The following ERC2 variants were observed in gnomAD, a reference collection of about 807,000 sequenced individuals.
ERC2 encodes ERC protein 2.
ERC2 carries 42 observed loss-of-function variants against 114.8 expected under a neutral mutation model. That is an observed-to-expected ratio of 0.37 (90% CI 0.29 to 0.47). The LOEUF (loss-of-function observed/expected upper bound fraction) is 0.47, where lower values mean the gene tolerates loss of function less well. ERC2 is among the 20% of genes least tolerant of loss of function. The probability of loss-of-function intolerance (pLI) is 0.99; values close to 1 mark genes in which losing one functional copy is unlikely to be tolerated. For synonymous variants in ERC2, 454 were observed against 425.5 expected, an observed-to-expected ratio of 1.07 and a Z score of -0.82; for missense variants, 939 against 1,150.7, an observed-to-expected ratio of 0.82 and a Z score of 2.66.
intron 16 of ERC2, among the ~76,000 whole-genome samples, chr3:55,697,622 A>T (rs2063000479): frequency 6.6e-6 from 1 of 152,210 alleles, no homozygotes. Context: ...CCTCATTCCC[A>T]GTAGAACATA....
At chr3:56,322,058 T>A (rs2057150230) in intron 2 of ERC2, among the ~76,000 whole-genome samples, 1 of 152,178 alleles carries the variant, frequency 6.6e-6, no homozygotes, top group Non-Finnish European at 1.5e-5. Flanking sequence ...AATCATATAA[T>A]TCTAGGTACA....
chr3:55,515,471 G>A (rs1216322620), intron 17 of ERC2, among the ~76,000 whole-genome samples: 1 of 151,748 alleles, frequency 6.6e-6, no homozygotes, highest in South Asian at 2.1e-4. Context: ...TGGTTCAAGC[G>A]ATTCTCCTGC....
At chr3:55,525,397 A>G (rs1303998838) in intron 17 of ERC2, among the ~76,000 whole-genome samples, 5 of 152,152 alleles carry the variant, frequency 3.3e-5, no homozygotes, top group Non-Finnish European at 1.5e-5. Context: ...AGACAACTGA[A>G]ATACAATGTG....
chr3:56,374,788 A>G (rs893714102), intron 2 of ERC2, among the ~76,000 whole-genome samples: 3 of 152,230 alleles, frequency 2.0e-5, no homozygotes, highest in African/African-American at 4.8e-5. Flanking sequence ...CCAGCAGGAG[A>G]CATCAACAGA....
chr3:56,118,000 T>C (rs2079345037), intron 6 of ERC2, among the ~76,000 whole-genome samples: 1 of 152,322 alleles, frequency 6.6e-6, no homozygotes, highest in Non-Finnish European at 1.5e-5. Flanking sequence ...TGGGCCAGCC[T>C]GGCCACAGGG....
At chr3:56,453,915 A>G (rs576079657) in intron 1 of ERC2, among the ~76,000 whole-genome samples, 2 of 152,272 alleles carry the variant, frequency 1.3e-5, no homozygotes, top group South Asian at 4.1e-4. Context: ...TGATCAGTAC[A>G]CATGTGAGTG....
At chr3:55,550,463 A>G (rs191571731) in intron 17 of ERC2, among the ~76,000 whole-genome samples, 1 of 152,336 alleles carries the variant, frequency 6.6e-6, no homozygotes, top group East Asian at 1.9e-4. Flanking sequence ...TTGTTGAACC[A>G]ATGCATAAAT....
intron 3 of ERC2, among the ~76,000 whole-genome samples, chr3:56,200,640 C>T (rs2150093851): frequency 6.6e-6 from 1 of 152,290 alleles, no homozygotes; most frequent in South Asian, 2.1e-4. Context: ...CAACTTTCTG[C>T]TGCTTAGGCT....
intron 14 of ERC2, among the ~76,000 whole-genome samples, chr3:55,805,640 C>G (rs2059458091): frequency 6.7e-6 from 1 of 148,802 alleles, no homozygotes; most frequent in South Asian, 2.2e-4. Context: ...GGGGTGCTAC[C>G]AGATGTGCTC....
chr3:55,872,636 G>T (rs1047075275), intron 14 of ERC2, among the ~76,000 whole-genome samples: 4 of 150,386 alleles, frequency 2.7e-5, no homozygotes, highest in Non-Finnish European at 3.0e-5. Context: ...AACTGAAAAG[G>T]TTTATGTCCC....
intron 17 of ERC2, among the ~76,000 whole-genome samples, chr3:55,652,946 ACT>A (rs1395951449): frequency 2.6e-5 from 4 of 151,452 alleles, no homozygotes; most frequent in African/African-American, 9.7e-5. Flanking sequence ...AGTTGAGCGC[ACT>A]GACTGTGTAC....
chr3:55,618,337 T>C (rs971831670), intron 17 of ERC2, among the ~76,000 whole-genome samples: 1 of 152,178 alleles, frequency 6.6e-6, no homozygotes, highest in African/African-American at 2.4e-5. Context: ...TTTCACAATC[T>C]TTATCAATAT....
At chr3:55,664,985 A>T (rs553913651) in intron 17 of ERC2, among the ~76,000 whole-genome samples, 40 of 152,254 alleles carry the variant, frequency 2.6e-4, no homozygotes, top group African/African-American at 9.4e-4. Context: ...AATAATGGGG[A>T]TAATAATAAC....
At chr3:56,154,505 T>A (rs192694273) in intron 4 of ERC2, among the ~76,000 whole-genome samples, 328 of 152,278 alleles carry the variant, frequency 2.2e-3, no homozygotes, top group African/African-American at 7.6e-3. Context: ...ATCCTTCCTG[T>A]CATCCTGTCT....
intron 3 of ERC2, among the ~76,000 whole-genome samples, chr3:56,180,675 T>A (rs1258378942): frequency 6.6e-6 from 1 of 152,168 alleles, no homozygotes; most frequent in East Asian, 1.9e-4. Context: ...AGGAGTTGTA[T>A]AATGGGTACA....
At chr3:55,820,269 C>T (rs2060072410) in intron 14 of ERC2, among the ~76,000 whole-genome samples, 1 of 152,114 alleles carries the variant, frequency 6.6e-6, no homozygotes. Context: ...CTCTCTGAGG[C>T]ATAAGGGAGT....
intron 6 of ERC2, among the ~76,000 whole-genome samples, chr3:56,099,539 C>T (rs2078240925): frequency 6.6e-6 from 1 of 152,108 alleles, no homozygotes; most frequent in African/African-American, 2.4e-5. Flanking sequence ...TTGAAAGCAT[C>T]CTCAGAGGAT....
At chr3:55,585,170 C>A (rs1023144667) in intron 17 of ERC2, among the ~76,000 whole-genome samples, 1 of 152,188 alleles carries the variant, frequency 6.6e-6, no homozygotes, top group Non-Finnish European at 1.5e-5. Flanking sequence ...GATTCTCTGG[C>A]CTGATCTAAG....
chr3:55,724,302 G>A (rs1471112110), intron 15 of ERC2, among the ~76,000 whole-genome samples: 2 of 152,182 alleles, frequency 1.3e-5, no homozygotes, highest in African/African-American at 4.8e-5. Flanking sequence ...GGGGCCAGGC[G>A]AGAAGGGTCA....
Sources: allele counts gnomAD v4.1 joint callset (sites outside exome capture counted in the v4.1 genomes callset), GRCh38; gene constraint gnomAD v4.1.1; transcripts MANE v1.5; gene names NCBI Gene and HGNC (gene_info 2026-07-23, HGNC 2026-07-21).